Variants in ATP8A1 observed in about 807,000 individuals in gnomAD.
ATP8A1 encodes the protein ATPase phospholipid transporting 8A1.
A neutral mutation model predicts 177.7 loss-of-function variants in ATP8A1; 90 were observed. That is an observed-to-expected ratio of 0.51 (90% confidence interval 0.43 to 0.60). The LOEUF (loss-of-function observed/expected upper bound fraction) is 0.60, where lower values mean the gene tolerates loss of function less well. Ranked by LOEUF, ATP8A1 falls within the 20% of genes least tolerant of loss-of-function variation. ATP8A1 has a pLI of 0.00. For synonymous variants in ATP8A1, 493 were observed against 485.9 expected (o/e 1.01, Z -0.19); for missense variants, 1,072 against 1,392.8 (o/e 0.77, Z 3.67).
chr4:42,588,211 C>A, intron 8 of ATP8A1, 49 bp downstream of exon 8: 1 of 1,451,514 alleles, frequency 6.9e-7, no homozygotes, highest in African/African-American at 1.4e-5. Flanking sequence ...CTCTTAATTC[C>A]ATGTAATAAA....
chr4:42,595,324 C>T (rs1734617443), intron 6 of ATP8A1, among the ~76,000 whole-genome samples: 1 of 152,174 alleles, frequency 6.6e-6, no homozygotes, highest in Admixed American at 6.5e-5. Context: ...TAAGAAATTA[C>T]TGCAGAGGCA....
At chr4:42,578,547 C>T (rs1481083704) in intron 11 of ATP8A1, among the ~76,000 whole-genome samples, 160 bp from the exon 12 acceptor site, 2 of 152,112 alleles carry the variant, frequency 1.3e-5, no homozygotes, top group African/African-American at 4.8e-5. Flanking sequence ...GTACATCCTT[C>T]AAGATAGAAT....
chr4:42,516,906 G>A (rs1478221127), intron 22 of ATP8A1, among the ~76,000 whole-genome samples: 1 of 152,062 alleles, frequency 6.6e-6, no homozygotes, highest in Non-Finnish European at 1.5e-5. Flanking sequence ...ACAGATCAAA[G>A]GTGAGAAATT....
intron 31 of ATP8A1, among the ~76,000 whole-genome samples, chr4:42,445,046 A>C (rs956798984): frequency 6.6e-6 from 1 of 152,270 alleles, no homozygotes; most frequent in African/African-American, 2.4e-5. Context: ...AATTTTAAAG[A>C]CAAATTTTAA....
intron 25 of ATP8A1, among the ~76,000 whole-genome samples, chr4:42,477,864 T>A (rs1721245244): frequency 6.6e-6 from 1 of 150,918 alleles, no homozygotes; most frequent in Admixed American, 6.6e-5. Context: ...AGGCCTGTTA[T>A]CCCAGCTACT....
At chr4:42,641,195 T>C (rs568184752) in intron 1 of ATP8A1, among the ~76,000 whole-genome samples, 125 of 152,074 alleles carry the variant, frequency 8.2e-4, no homozygotes, top group Non-Finnish European at 1.4e-3. Flanking sequence ...CTAGAAGATT[T>C]TGAAAGGCTG....
intron 27 of ATP8A1, among the ~76,000 whole-genome samples, chr4:42,460,517 A>G (rs983323416): frequency 1.3e-5 from 2 of 150,332 alleles, no homozygotes; most frequent in African/African-American, 4.9e-5. Flanking sequence ...CCTCCTAAGT[A>G]GCTGGGATTA....
chr4:42,519,749 C>T (rs1374963158), intron 22 of ATP8A1, among the ~76,000 whole-genome samples: 1 of 152,184 alleles, frequency 6.6e-6, no homozygotes, highest in African/African-American at 2.4e-5. Flanking sequence ...ATCTCTTAAT[C>T]TTTCCGGATC....
At chr4:42,602,456 G>C (rs1009286905) in intron 5 of ATP8A1, among the ~76,000 whole-genome samples, 33 of 152,114 alleles carry the variant, frequency 2.2e-4, no homozygotes, top group African/African-American at 7.7e-4. Context: ...AAAATAAGTT[G>C]TAACAAAGCA....
At chr4:42,638,331 G>T (rs754772510) in intron 1 of ATP8A1, among the ~76,000 whole-genome samples, 46 of 152,294 alleles carry the variant, frequency 3.0e-4, no homozygotes, top group Non-Finnish European at 6.2e-4. Flanking sequence ...AAAAGTAATG[G>T]CTTAACATTT....
intron 5 of ATP8A1, among the ~76,000 whole-genome samples, chr4:42,613,597 T>C (rs1284718256): frequency 6.6e-6 from 1 of 152,242 alleles, no homozygotes; most frequent in African/African-American, 2.4e-5. Flanking sequence ...GTTTTTCTTT[T>C]TTTTAAGATA....
chr4:42,439,483 A>AG (rs988608474), intron 33 of ATP8A1, among the ~76,000 whole-genome samples: 147 of 152,380 alleles, frequency 9.6e-4, no homozygotes, highest in African/African-American at 3.4e-3. Context: ...AAAACACGGA[A>AG]GCAAGCAAAA....
Position 42,412,941 on chromosome 4 carries a change from G to A in ATP8A1, c.3470C>T (p.Thr1157Met), listed in dbSNP as rs780548514. ...TCACCATTCGTCGGGCCTCTGTTTC[G>A]TGGTATCATATGCTCTTATCACTTC... ...QSEVIRAYDT[T>M]KQRPDEW The change falls in exon 37 of 37, where the codon ACG becomes ATG. Residue 1157 changes from threonine to methionine, a missense_variant. Coordinates refer to ENST00000381668, the MANE Select transcript of ATP8A1 (RefSeq NM_006095.2). 9.9e-6 allele frequency: 16 copies of A among 1,613,320 alleles called. No homozygotes were observed. The highest frequency in any genetic ancestry group is 2.2e-5 in the East Asian group (1 of 44,878).
At chr4:42,586,085 T>G (rs956030026) in intron 9 of ATP8A1, among the ~76,000 whole-genome samples, 2 of 152,170 alleles carry the variant, frequency 1.3e-5, no homozygotes, top group African/African-American at 4.8e-5. Flanking sequence ...CACGAAACAA[T>G]GTGCCAGAAG....
intron 33 of ATP8A1, among the ~76,000 whole-genome samples, chr4:42,437,841 T>C (rs961669701): frequency 2.0e-5 from 3 of 152,128 alleles, no homozygotes; most frequent in Non-Finnish European, 4.4e-5. Context: ...CACTAAACTC[T>C]GAGATATTTG....
At chr4:42,500,743 C>G (rs1417167637) in intron 24 of ATP8A1, among the ~76,000 whole-genome samples, 1 of 152,194 alleles carries the variant, frequency 6.6e-6, no homozygotes. Flanking sequence ...GCAGAAAGAC[C>G]TGTCAGGTTT....
intron 19 of ATP8A1, among the ~76,000 whole-genome samples, 175 bp from the exon 20 acceptor site, chr4:42,544,161 A>G (rs928628113): frequency 1.3e-5 from 2 of 152,116 alleles, no homozygotes; most frequent in African/African-American, 4.8e-5. Flanking sequence ...GGCACCTGTA[A>G]AAGTTACATT....
intron 5 of ATP8A1, among the ~76,000 whole-genome samples, chr4:42,607,336 G>C (rs1560512446): frequency 6.6e-6 from 1 of 152,174 alleles, no homozygotes; most frequent in African/African-American, 2.4e-5. Context: ...ATAAAAAAAA[G>C]TTTCCATACA....
chr4:42,564,572 CT>C (rs1223679130), intron 15 of ATP8A1, among the ~76,000 whole-genome samples: 1 of 152,172 alleles, frequency 6.6e-6, no homozygotes, highest in African/African-American at 2.4e-5. Context: ...GGGCCTGTAG[CT>C]CCTTTGTTTT....
Sources: allele counts gnomAD v4.1 joint callset (sites outside exome capture counted in the v4.1 genomes callset), GRCh38; gene constraint gnomAD v4.1.1; transcripts MANE v1.5; gene names NCBI Gene and HGNC (gene_info 2026-07-23, HGNC 2026-07-21).